The following SGCD variants were observed in gnomAD, a reference collection of about 807,000 sequenced individuals.
The protein encoded by SGCD is delta-sarcoglycan.
Under a neutral mutation model 36.6 loss-of-function variants are expected in SGCD, and 18 were observed. That is an observed-to-expected ratio of 0.49 (90% CI 0.34 to 0.73). The LOEUF (loss-of-function observed/expected upper bound fraction) is 0.73. Among genes scored for constraint, SGCD ranks in the 30% least tolerant of loss-of-function variants. The pLI is 0.01. For missense variants in SGCD, 387 were observed against 346.7 expected (o/e 1.12, Z -0.92); for synonymous variants, 133 against 130.6 (o/e 1.02, Z -0.12).
intron 3 of SGCD, among the ~76,000 whole-genome samples, chr5:156,365,699 T>C (rs1177286319): frequency 6.6e-6 from 1 of 152,208 alleles, no homozygotes; most frequent in Non-Finnish European, 1.5e-5. Flanking sequence ...TGGGCATATA[T>C]GTGTGTATGT....
chr5:156,683,593 A>G (rs1353055890), intron 7 of SGCD, among the ~76,000 whole-genome samples: 1 of 151,322 alleles, frequency 6.6e-6, no homozygotes, highest in Non-Finnish European at 1.5e-5. Context: ...AGACAAAAAC[A>G]AAAAACCTTC....
chr5:156,078,193 T>C (rs942060931), intron 1 of SGCD, among the ~76,000 whole-genome samples: 6 of 152,172 alleles, frequency 3.9e-5, no homozygotes, highest in Admixed American at 2.6e-4. Context: ...TTTATTAAGA[T>C]AATTGTGAAT....
At chr5:156,123,080 G>A (rs1023852206) in intron 2 of SGCD, among the ~76,000 whole-genome samples, 3 of 152,014 alleles carry the variant, frequency 2.0e-5, no homozygotes, top group Non-Finnish European at 2.9e-5. Flanking sequence ...TTTCCAGGTG[G>A]AAGCTGGTGG....
At chr5:156,326,148 C>T (rs558389173), upstream of SGCD, among the ~76,000 whole-genome samples, 1 of 152,282 alleles carries the variant, frequency 6.6e-6, no homozygotes, top group South Asian at 2.1e-4. Flanking sequence ...TGCTCTGGCT[C>T]TTTAGATATG....
intron 3 of SGCD, among the ~76,000 whole-genome samples, chr5:156,471,339 G>A (rs1581040529): frequency 6.6e-6 from 1 of 152,086 alleles, no homozygotes; most frequent in East Asian, 1.9e-4. Flanking sequence ...GACTAAGATA[G>A]CCAAAATAAT....
chr5:155,829,502 G>C, the SGCD span, among the ~76,000 whole-genome samples: 1 of 152,290 alleles, frequency 6.6e-6, no homozygotes, highest in East Asian at 1.9e-4. Flanking sequence ...ATGAACTCCT[G>C]TGCAGAGAGT....
intron 7 of SGCD, among the ~76,000 whole-genome samples, chr5:156,694,283 T>A (rs917638300): frequency 6.6e-6 from 1 of 152,180 alleles, no homozygotes; most frequent in Non-Finnish European, 1.5e-5. Flanking sequence ...TGAGGTGAGC[T>A]TGTTGGATTC....
chr5:156,619,127 G>A (rs1360674464), intron 6 of SGCD, among the ~76,000 whole-genome samples: 4 of 150,710 alleles, frequency 2.7e-5, no homozygotes, highest in Non-Finnish European at 5.9e-5. Flanking sequence ...CCAGCTTCAC[G>A]CCATTCGCCT....
intron 7 of SGCD, among the ~76,000 whole-genome samples, chr5:156,705,573 TATC>T (rs1412606550): frequency 6.6e-6 from 1 of 152,172 alleles, no homozygotes; most frequent in East Asian, 1.9e-4. Context: ...GAAGATACTA[TATC>T]ATCTTAAATG....
At chr5:156,470,508 C>A (rs577441921) in intron 3 of SGCD, among the ~76,000 whole-genome samples, 26 of 151,916 alleles carry the variant, frequency 1.7e-4, no homozygotes, top group Non-Finnish European at 3.4e-4. Context: ...CCCACCCCAC[C>A]ACAGTCCCCA....
At chr5:156,634,265 G>A (rs1484271755) in intron 6 of SGCD, among the ~76,000 whole-genome samples, 1 of 151,570 alleles carries the variant, frequency 6.6e-6, no homozygotes, top group Non-Finnish European at 1.5e-5. Flanking sequence ...GCCTGTTGGG[G>A]TGGGGTGGGA....
chr5:156,338,329 A>G (rs1768466661), intron 2 of SGCD, among the ~76,000 whole-genome samples: 1 of 152,212 alleles, frequency 6.6e-6, no homozygotes, highest in Non-Finnish European at 1.5e-5. Flanking sequence ...ACAAAAAGTG[A>G]CCACTTCAAC....
chr5:156,596,816 C>A (rs1760942781), intron 6 of SGCD, among the ~76,000 whole-genome samples: 1 of 152,112 alleles, frequency 6.6e-6, no homozygotes, highest in Non-Finnish European at 1.5e-5. Context: ...GAATGCCTAT[C>A]ATGGTCAAAT....
chr5:156,542,236 G>C (rs759075154), intron 4 of SGCD, among the ~76,000 whole-genome samples: 5 of 151,066 alleles, frequency 3.3e-5, no homozygotes, highest in Admixed American at 6.6e-5. Flanking sequence ...GGTTTTTGTG[G>C]AGGAAGAATA....
chr5:155,913,174 AAC>A (rs1756665863), intron 1 of SGCD, among the ~76,000 whole-genome samples: 3 of 152,164 alleles, frequency 2.0e-5, no homozygotes, highest in Non-Finnish European at 4.4e-5. Flanking sequence ...ATACCTTTTG[AAC>A]AGAAACAAGG....
chr5:156,434,674 AC>A (rs1753169854), intron 3 of SGCD, among the ~76,000 whole-genome samples: 1 of 152,110 alleles, frequency 6.6e-6, no homozygotes, highest in Admixed American at 6.6e-5. Flanking sequence ...GCCACAGAAA[AC>A]CAAATTAGCC....
chr5:156,421,219 C>T (rs1236645282), intron 3 of SGCD, among the ~76,000 whole-genome samples: 1 of 152,000 alleles, frequency 6.6e-6, no homozygotes, highest in Non-Finnish European at 1.5e-5. Flanking sequence ...CTTTCATGTC[C>T]ATTAAACTGT....
chr5:156,439,514 C>T (rs926528436), intron 3 of SGCD, among the ~76,000 whole-genome samples: 5 of 151,998 alleles, frequency 3.3e-5, no homozygotes, highest in African/African-American at 9.7e-5. Context: ...AATCTTTTTG[C>T]ATAATTGCCC....
rs115001893 is a variant in SGCD at position 155,903,102 on chromosome 5, G to A, written c.-282+32678G>A. ...TACAATCTGATTTTGTTTATGGTGT[G>A]AGTTTGTGTGTTCTATTTTGAAAGA... On this transcript the variant is annotated intron_variant, in intron 1 of 9. Transcript: ENST00000517913. Among the ~76,000 whole-genome samples the A allele has an allele frequency of 2.7e-3, 404 of 152,250 alleles. 3 individuals carry two copies. The highest frequency in any genetic ancestry group is 8.2e-3 in the African/African-American group (339 of 41,570).
Sources: gnomAD v4.1 joint callset for allele counts (sites outside exome capture counted in the v4.1 genomes callset) on GRCh38, gnomAD v4.1.1 for gene constraint, MANE v1.5 for transcripts, NCBI Gene and HGNC (gene_info 2026-07-23, HGNC 2026-07-21) for gene names.